LRRC9: variants seen among roughly 807,000 people sequenced by gnomAD.
LRRC9 encodes leucine-rich repeat-containing protein 9.
In LRRC9, 122 loss-of-function variants were observed where a neutral mutation model predicts 63.2. The ratio of observed to expected loss-of-function variants is 1.93; its 90% CI spans 1.67 to 2.24. LRRC9 has a LOEUF of 2.24. Among genes scored for constraint, LRRC9 ranks in the 30% most tolerant of loss-of-function variants. LRRC9 has a pLI of 0.00. For missense variants in LRRC9, 1,071 were observed against 627.7 expected, an observed-to-expected ratio of 1.71 and a Z score of -7.55; for synonymous variants, 366 against 213.1, an observed-to-expected ratio of 1.72 and a Z score of -6.25.
chr14:60,007,764 G>A lies in LRRC9; in HGVS notation c.3064-328G>A, dbSNP rs73306056. ...AAAATATACCTAAGTGGTCTGAAAGGGTAACCCTTGCACTTAAAAGTGCAC... is the reference window on the plus strand; with the variant it reads ...AAAATATACCTAAGTGGTCTGAAAGAGTAACCCTTGCACTTAAAAGTGCAC... On this transcript the variant is annotated intron_variant, in intron 22 of 31. Coordinates refer to ENST00000445360, the Ensembl canonical transcript of LRRC9. 2.8e-3 allele frequency among the ~76,000 whole-genome samples: 423 copies of A among 151,792 alleles called. 3 individuals carry two copies. Among genetic ancestry groups the A allele is most frequent in the African/African-American group, 9.8e-3 (405 of 41,382 alleles).
At chr14:59,970,774 G>A (rs1885398398) in intron 12 of LRRC9, among the ~76,000 whole-genome samples, 1 of 151,786 alleles carries the variant, frequency 6.6e-6, no homozygotes, top group South Asian at 2.1e-4. Flanking sequence ...CTTTTTAATG[G>A]GGTGATTTTT....
intron 13 of LRRC9, among the ~76,000 whole-genome samples, chr14:59,975,139 AC>A: frequency 8.5e-5 from 1 of 11,724 alleles, no homozygotes; most frequent in Non-Finnish European, 3.3e-4. Context: ...ATATATATAT[AC>A]ATATATATAT....
intron 15 of LRRC9, among the ~76,000 whole-genome samples, 168 bp downstream of exon 15, chr14:59,978,300 T>C (rs1886540055): frequency 6.6e-6 from 1 of 152,248 alleles, no homozygotes; most frequent in Non-Finnish European, 1.5e-5. Context: ...TAATATTTTT[T>C]AGGCAAATAA....
Position 60,053,605 on chromosome 14 carries a change from G to A in LRRC9, c.4131+400G>A, listed in dbSNP as rs1006782315. 6.6e-6 allele frequency among the ~76,000 whole-genome samples: 1 copy of A among 152,138 alleles called. No homozygotes were observed. Among genetic ancestry groups the A allele is most frequent in the Admixed American group, 6.6e-5 (1 of 15,264 alleles). ...CTATTTCCCTTTAGGCACACAGAAA[G>A]GGAAGGAAGGAATTCTGAACTCAAC... On this transcript the variant is annotated intron_variant, in intron 30 of 31. Transcript: ENST00000445360. This position sits in a 1 kb window ranked among gnomAD's most constrained non-coding sequence, Gnocchi z 4.8.
intron 30 of LRRC9, among the ~76,000 whole-genome samples, chr14:60,055,891 C>A (rs1399118552): frequency 7.1e-6 from 1 of 140,452 alleles, no homozygotes; most frequent in African/African-American, 2.6e-5. Context: ...GGTGACAAAG[C>A]AAGACCCTGT....
chr14:59,961,732 G>A (rs963171978), intron 10 of LRRC9, among the ~76,000 whole-genome samples: 6 of 152,148 alleles, frequency 3.9e-5, no homozygotes, highest in African/African-American at 1.4e-4. Flanking sequence ...AAGTGGTTGT[G>A]TTGCTTCAAT....
Position 60,051,719 on chromosome 14 carries a change from G to A in LRRC9, c.3991-1346G>A, listed in dbSNP as rs1893906591. 6.6e-6 allele frequency among the ~76,000 whole-genome samples: 1 copy of A among 152,176 alleles called. No individual in the cohort carries two copies. The highest frequency in any genetic ancestry group is 1.5e-5 in the Non-Finnish European group (1 of 68,032). On this transcript the variant is annotated intron_variant, in intron 29 of 31. Transcript: ENST00000445360. The surrounding 1 kb of genome is among the most constrained non-coding windows in gnomAD (Gnocchi z 4.7). ...GATCTACTGCCTTGCCAGAATCCCG[G>A]CGCTGGAGTATATAAAACTTCTGGG...
intron 18 of LRRC9, among the ~76,000 whole-genome samples, chr14:59,998,502 A>C (rs1889029769): frequency 6.6e-6 from 1 of 152,070 alleles, no homozygotes; most frequent in Non-Finnish European, 1.5e-5. Context: ...ATTTAAAATA[A>C]GTCCCAAGAT....
intron 12 of LRRC9, among the ~76,000 whole-genome samples, chr14:59,968,951 A>G (rs1885164280): frequency 7.0e-6 from 1 of 143,030 alleles, no homozygotes; most frequent in Non-Finnish European, 1.5e-5. Flanking sequence ...AACAAGCACC[A>G]GTTTTTAAAG....
rs1333053876 is a variant in LRRC9, at chr14:60,053,780, T to C, written c.4131+575T>C. ...AAAAAGGGAAGAAATAATAAAAGCA[T>C]GTCATTTGAAAATTCTGTCTTTGAC... is the stretch of plus-strand genomic sequence containing the variant. On this transcript the variant is annotated intron_variant, in intron 30 of 31. Transcript: ENST00000445360. The surrounding 1 kb of genome is among the most constrained non-coding windows in gnomAD (Gnocchi z 4.8). The C allele has an allele frequency of 2.7e-6, 1 of 375,340 alleles. No homozygotes were observed. The highest frequency in any genetic ancestry group is 5.1e-6 in the Non-Finnish European group (1 of 194,648). 23.3% of individuals were successfully genotyped at this position (375,340 alleles called of 1,614,324 possible).
chr14:60,016,683 A>C (rs1253535080), exon 24 of LRRC9: 4 of 700,282 alleles, frequency 5.7e-6, no homozygotes, highest in Admixed American at 4.0e-5. Context: ...CTGACAGTGC[A>C]AAAGATTTGT....
At chr14:60,044,475 T>G (rs1352295051) in intron 29 of LRRC9, among the ~76,000 whole-genome samples, 1 of 152,180 alleles carries the variant, frequency 6.6e-6, no homozygotes, top group African/African-American at 2.4e-5. Context: ...CATAATCCCA[T>G]AGATTTTGGT....
intron 29 of LRRC9, among the ~76,000 whole-genome samples, chr14:60,052,456 AGACCCCAGAAG>A (rs1893967429): frequency 6.6e-6 from 1 of 152,210 alleles, no homozygotes; most frequent in East Asian, 1.9e-4. Flanking sequence ...CCAAAATTCC[AGACCCCAGAAG>A]GAAATGAGGT....
chr14:60,050,532 G>C (rs1595114005), intron 29 of LRRC9, among the ~76,000 whole-genome samples: 1 of 152,132 alleles, frequency 6.6e-6, no homozygotes, highest in East Asian at 1.9e-4. Context: ...GCTCAGCGAA[G>C]TTCGTTATTA....
chr14:60,057,653 G>GAAAAAAA (rs34584505), intron 30 of LRRC9: 1 of 219,044 alleles, frequency 4.6e-6, no homozygotes, highest in Non-Finnish European at 8.5e-6. Context: ...AATGCAGTCT[G>GAAAAAAA]AAAAAAAAAA....
At chr14:60,018,241 TA>T (rs2140276987) in intron 24 of LRRC9, 129 bp from the exon 25 acceptor site, 1 of 615,648 alleles carries the variant, frequency 1.6e-6, no homozygotes, top group South Asian at 1.9e-5. Flanking sequence ...TACATTAAAG[TA>T]ATTATTTTTA....
chr14:60,064,191 C>T (rs954121339), downstream of LRRC9, among the ~76,000 whole-genome samples: 1 of 152,164 alleles, frequency 6.6e-6, no homozygotes, highest in African/African-American at 2.4e-5. Context: ...CTTTTCTAAA[C>T]TATTACATTG....
chr14:59,984,831 C>T (rs1464142725), intron 16 of LRRC9, among the ~76,000 whole-genome samples: 1 of 152,200 alleles, frequency 6.6e-6, no homozygotes, highest in African/African-American at 2.4e-5. Flanking sequence ...AAAAGAATTT[C>T]ACGCCAATTG....
At chr14:59,939,112 T>TAC (rs1881475667) in intron 7 of LRRC9, among the ~76,000 whole-genome samples, 1 of 123,282 alleles carries the variant, frequency 8.1e-6, no homozygotes, top group Non-Finnish European at 1.7e-5. Context: ...CACACATATA[T>TAC]ATACATATAT....
Sources: gnomAD v4.1 joint callset for allele counts (sites outside exome capture counted in the v4.1 genomes callset) on GRCh38, gnomAD v4.1.1 for gene constraint, Gnocchi (gnomAD v3.1) non-coding constraint, MANE v1.5 for transcripts, NCBI Gene and HGNC (gene_info 2026-07-23, HGNC 2026-07-21) for gene names.